GJC1: variants seen among roughly 807,000 people sequenced by gnomAD.
GJC1 encodes the protein gap junction gamma-1 protein.
In GJC1, 5 loss-of-function variants were observed where a neutral mutation model predicts 29.3. That is an observed-to-expected ratio of 0.17 (90% confidence interval 0.09 to 0.36). The LOEUF is 0.36. GJC1 is among the 10% of genes least tolerant of loss of function. GJC1 has a pLI of 1.00. For missense variants in GJC1, 310 were observed against 496.2 expected (o/e 0.62, Z 3.56); for synonymous variants, 177 against 183.3 (o/e 0.97, Z 0.28).
At chr17:44,797,897 G>A (rs1051852405), downstream of GJC1, 1 of 152,210 alleles carries the variant, frequency 6.6e-6, no homozygotes, top group African/African-American at 2.4e-5. Context: ...TGCTGAGGGT[G>A]AGCTGTTCGT....
intron 1 of GJC1, among the ~76,000 whole-genome samples, chr17:44,826,757 G>A (rs958519942): frequency 3.9e-5 from 6 of 152,196 alleles, no homozygotes; most frequent in Admixed American, 3.9e-4. Context: ...AAATAGCAAT[G>A]CTCAAACGCC....
intron 1 of GJC1, among the ~76,000 whole-genome samples, chr17:44,812,250 G>C (rs1463096069): frequency 6.6e-6 from 1 of 152,062 alleles, no homozygotes; most frequent in East Asian, 1.9e-4. Context: ...GCTTGAACCA[G>C]GGAGGCAGAG....
intron 1 of GJC1, among the ~76,000 whole-genome samples, chr17:44,823,382 G>C (rs1201219486): frequency 6.6e-6 from 1 of 151,330 alleles, no homozygotes; most frequent in Non-Finnish European, 1.5e-5. Context: ...CTCGCAAGTA[G>C]CTGGGACTAC....
At chr17:44,816,541 G>A (rs990501491) in intron 1 of GJC1, among the ~76,000 whole-genome samples, 58 of 152,024 alleles carry the variant, frequency 3.8e-4, no homozygotes, top group Non-Finnish European at 7.8e-4. Flanking sequence ...TCGCTCTGTC[G>A]CCCAGGCTGG....
chr17:44,821,416 G>C (rs1449452130), intron 1 of GJC1, among the ~76,000 whole-genome samples: 2 of 151,790 alleles, frequency 1.3e-5, no homozygotes, highest in African/African-American at 2.4e-5. Flanking sequence ...CCATACCATC[G>C]GCTGGGTGCG....
intron 1 of GJC1, among the ~76,000 whole-genome samples, chr17:44,808,428 TACACACACACAC>T (rs56999580): frequency 4.1e-5 from 6 of 147,546 alleles, no homozygotes; most frequent in South Asian, 2.2e-4. Context: ...CCCTGTCTCT[TACACACACACAC>T]ACACACACAC....
chr17:44,797,268 G>A (rs1303446230), downstream of GJC1, among the ~76,000 whole-genome samples: 2 of 152,012 alleles, frequency 1.3e-5, no homozygotes, highest in Non-Finnish European at 2.9e-5. Flanking sequence ...ACCATGGCCG[G>A]CTAATTTTTT....
chr17:44,823,667 A>T (rs1381649258), intron 1 of GJC1, among the ~76,000 whole-genome samples: 2 of 150,580 alleles, frequency 1.3e-5, no homozygotes. Context: ...CCTCCAGAAG[A>T]GCTGTGATTA....
At chr17:44,806,548 C>T in intron 2 of GJC1, among the ~76,000 whole-genome samples, 1 of 151,830 alleles carries the variant, frequency 6.6e-6, no homozygotes, top group South Asian at 2.1e-4. Flanking sequence ...TACAGTCATG[C>T]ACCATCATTT....
At chr17:44,806,057 T>C (rs2049909637) in intron 2 of GJC1, among the ~76,000 whole-genome samples, 2 of 152,070 alleles carry the variant, frequency 1.3e-5, no homozygotes, top group African/African-American at 4.8e-5. Context: ...GCAGATTAGT[T>C]GAGGTCAGGA....
downstream of GJC1, among the ~76,000 whole-genome samples, chr17:44,796,663 T>C (rs1166242571): frequency 6.6e-6 from 1 of 152,244 alleles, no homozygotes; most frequent in East Asian, 1.9e-4. Flanking sequence ...ATCTTTCTAG[T>C]GTGGTTACTT....
chr17:44,796,675 A>G (rs2049785061), downstream of GJC1, among the ~76,000 whole-genome samples: 1 of 152,196 alleles, frequency 6.6e-6, no homozygotes, highest in Non-Finnish European at 1.5e-5. Context: ...TGGTTACTTA[A>G]CTGTATGCAT....
At chr17:44,794,394 T>C (rs1160462399), downstream of GJC1, 2 of 152,222 alleles carry the variant, frequency 1.3e-5, no homozygotes. Flanking sequence ...CAGTTAAAAG[T>C]GTCTTCAGTT....
chr17:44,817,366 G>T lies in GJC1; in HGVS notation c.-96-9897C>A, dbSNP rs148666771. 4.4e-3 allele frequency among the ~76,000 whole-genome samples: 662 copies of T among 151,802 alleles called. 20 individuals are homozygous for T. The highest frequency in any genetic ancestry group is 0.039 in the Admixed American group (599 of 15,208). The stretch of plus-strand genomic sequence containing the variant: ...AGAATTACATTACAGATGGAATTAT[G>T]TACAGGTTCTATGTGACCCTAATCC... On this transcript the variant is annotated intron_variant, in intron 1 of 2. Coordinates refer to ENST00000592524, the MANE Select transcript of GJC1 (RefSeq NM_005497.4).
chr17:44,794,318 C>T (rs757380834), downstream of GJC1: 1 of 152,264 alleles, frequency 6.6e-6, no homozygotes, highest in Non-Finnish European at 1.5e-5. Context: ...GATCACTTCC[C>T]GATGGTTTGA....
At chr17:44,813,842 G>C (rs1475075299) in intron 1 of GJC1, among the ~76,000 whole-genome samples, 1 of 151,944 alleles carries the variant, frequency 6.6e-6, no homozygotes, top group African/African-American at 2.4e-5. Flanking sequence ...ATTCCTGGGA[G>C]ATGAGTGCAG....
Position 44,803,925 on chromosome 17 carries a change from C to T in GJC1, c.*702G>A, listed in dbSNP as rs1472569000. ...GTGATGCTTGATATTTAAAGGAATC[C>T]TACAGTGAATCATTTATTTCCTTTG... On this transcript the variant is annotated 3_prime_UTR_variant, in exon 3 of 3. Coordinates refer to ENST00000592524, the MANE Select transcript of GJC1 (RefSeq NM_005497.4). 1 of 152,140 alleles carries T rather than the reference C, an allele frequency of 6.6e-6. No homozygotes were observed. The highest frequency in any genetic ancestry group is 1.5e-5 in the Non-Finnish European group (1 of 68,026). 9.4% of individuals were successfully genotyped at this position (152,140 alleles called of 1,614,324 possible). A position where few individuals can be genotyped will look rare whatever the true frequency, so the allele number is the denominator to read the frequency against.
chr17:44,825,841 T>C (rs973681071), intron 1 of GJC1, among the ~76,000 whole-genome samples: 2 of 152,034 alleles, frequency 1.3e-5, no homozygotes, highest in African/African-American at 4.8e-5. Context: ...CAAATTGTGC[T>C]TGTATTACAA....
chr17:44,815,765 C>T (rs1054412448), intron 1 of GJC1, among the ~76,000 whole-genome samples: 1 of 146,118 alleles, frequency 6.8e-6, no homozygotes, highest in African/African-American at 2.5e-5. Flanking sequence ...ATTTTACTGA[C>T]TTCCTTCAAA....
Sources: gnomAD v4.1 joint callset for allele counts (sites outside exome capture counted in the v4.1 genomes callset) on GRCh38, gnomAD v4.1.1 for gene constraint, MANE v1.5 for transcripts, NCBI Gene and HGNC (gene_info 2026-07-23, HGNC 2026-07-21) for gene names.